PSMA5: variants seen among roughly 807,000 people sequenced by gnomAD.
PSMA5 encodes the protein proteasome 20S subunit alpha 5.
A neutral mutation model predicts 34.5 loss-of-function variants in PSMA5; 3 were observed. The ratio of observed to expected loss-of-function variants is 0.09; its 90% CI spans 0.04 to 0.22. PSMA5 has a LOEUF of 0.22. Among genes scored for constraint, PSMA5 ranks in the 10% least tolerant of loss-of-function variants. The probability of loss-of-function intolerance (pLI) is 1.00; values close to 1 mark genes in which losing one functional copy is unlikely to be tolerated. For missense variants in PSMA5, 120 were observed against 286.1 expected, an observed-to-expected ratio of 0.42 and a Z score of 4.19; for synonymous variants, 88 against 95.8, an observed-to-expected ratio of 0.92 and a Z score of 0.47.
In PSMA5 at chr1:109,415,460, T is replaced by G. The variant is rs914728006; in HGVS notation, c.97-97A>C. 5.3e-6 allele frequency: 7 copies of G among 1,321,570 alleles called. No individual in the cohort carries two copies. The African/African-American group carries it at 7.3e-5, about 14-fold the overall frequency. The allele number at this position is 1,321,570 out of a possible 1,614,324, so 81.9% of individuals were successfully genotyped here. On this transcript the variant is annotated intron_variant, in intron 2 of 8. Transcript: ENST00000271308. ...CTGTAAATCTTCACATGATAGAAAC[T>G]TCAACTGGCCACATCTTATAGGCAG...
intron 1 of PSMA5, 138 bp downstream of exon 1, chr1:109,426,161 TGAG>T: frequency 8.7e-7 from 1 of 1,150,696 alleles, no homozygotes; most frequent in Non-Finnish European, 1.3e-6. Flanking sequence ...GGCGGGCGCC[TGAG>T]GAGGGCATAA....
At chr1:109,403,633 C>T (rs1399509348) in intron 8 of PSMA5, among the ~76,000 whole-genome samples, 2 of 151,812 alleles carry the variant, frequency 1.3e-5, no homozygotes, top group African/African-American at 4.8e-5. Flanking sequence ...CTGTCTAAAA[C>T]AATAAATTAA....
chr1:109,405,034 A>G (rs570925494), intron 8 of PSMA5, among the ~76,000 whole-genome samples: 4 of 152,250 alleles, frequency 2.6e-5, no homozygotes, highest in Non-Finnish European at 4.4e-5. Context: ...ACAGAACCAC[A>G]AAAGAACACG....
chr1:109,415,191 T>G, intron 3 of PSMA5, 46 bp downstream of exon 3: 1 of 1,583,480 alleles, frequency 6.3e-7, no homozygotes. Flanking sequence ...AGAGGACTAA[T>G]TAACCCAGAC....
chr1:109,404,310 CAAATAAATAAAT>C (rs3060206), intron 8 of PSMA5, among the ~76,000 whole-genome samples: 1 of 151,672 alleles, frequency 6.6e-6, no homozygotes, highest in African/African-American at 2.4e-5. Flanking sequence ...GATCCTGTCT[CAAATAAATAAAT>C]AAATAAATAA....
intron 8 of PSMA5, among the ~76,000 whole-genome samples, chr1:109,406,601 G>C (rs1653773093): frequency 6.6e-6 from 1 of 152,126 alleles, no homozygotes; most frequent in South Asian, 2.1e-4. Flanking sequence ...GAGAGGCTGG[G>C]GTGGGAGGAC....
intron 8 of PSMA5, among the ~76,000 whole-genome samples, chr1:109,405,499 G>A (rs955974827): frequency 1.3e-4 from 19 of 143,108 alleles, no homozygotes; most frequent in South Asian, 4.5e-4. Flanking sequence ...GTGCAGTGGC[G>A]TGATTCCAGC....
rs1653548780 is a variant in PSMA5 at position 109,401,947 on chromosome 1, A to C, written c.*66T>G. The C allele has an allele frequency of 7.9e-7, 1 of 1,271,388 alleles. No homozygotes were observed. The highest frequency in any genetic ancestry group is 1.3e-5 in the South Asian group (1 of 77,890). 78.8% of individuals were successfully genotyped at this position (1,271,388 alleles called of 1,614,324 possible). A position where few individuals can be genotyped will look rare whatever the true frequency, so the allele number is the denominator to read the frequency against. The stretch of plus-strand genomic sequence containing the variant: ...AGATTTTCCAAGGAACAGGAGCTGG[A>C]AATAAAATTTAAGGACATTATTAGA... On this transcript the variant is annotated 3_prime_UTR_variant, in exon 9 of 9. Coordinates refer to ENST00000271308, the MANE Select transcript of PSMA5 (RefSeq NM_002790.4).
rs931190140 is a variant in PSMA5, at chr1:109,400,869, A to C, written c.*1144T>G. On this transcript the variant is annotated 3_prime_UTR_variant, in exon 9 of 9. Transcript: ENST00000271308. ...GAATTAAATCAATTCTGCATCATCC[A>C]CATATGGATTAGCCATGTTGTGGAC... is the stretch of plus-strand genomic sequence containing the variant. The C allele has an allele frequency of 6.6e-6, 1 of 152,190 alleles. No individual in the cohort carries two copies. Among genetic ancestry groups the C allele is most frequent in the Non-Finnish European group, 1.5e-5 (1 of 68,022 alleles). 9.4% of individuals were successfully genotyped at this position (152,190 alleles called of 1,614,324 possible).
intron 8 of PSMA5, among the ~76,000 whole-genome samples, chr1:109,403,148 C>A (rs138090467): frequency 2.8e-4 from 42 of 152,232 alleles, no homozygotes; most frequent in African/African-American, 9.6e-4. Context: ...CAATAAAAAA[C>A]TAGGGTCAGA....
At chr1:109,406,424 G>A (rs1008821301) in intron 8 of PSMA5, among the ~76,000 whole-genome samples, 4 of 152,164 alleles carry the variant, frequency 2.6e-5, no homozygotes, top group Non-Finnish European at 5.9e-5. Context: ...AAGAAGTATA[G>A]TCCCTATAAT....
intron 1 of PSMA5, 68 bp downstream of exon 1, chr1:109,426,234 G>T: frequency 6.3e-7 from 1 of 1,595,118 alleles, no homozygotes; most frequent in Non-Finnish European, 8.6e-7. Context: ...GCAGAACCCA[G>T]GCCGCGCGGC....
chr1:109,422,730 C>A (rs1654494652), intron 1 of PSMA5, among the ~76,000 whole-genome samples: 1 of 152,194 alleles, frequency 6.6e-6, no homozygotes. Context: ...CTCGGCCTCC[C>A]AAAATGCTGG....
chr1:109,426,226 A>T (rs1654652544), intron 1 of PSMA5, 76 bp downstream of exon 1: 4 of 1,582,700 alleles, frequency 2.5e-6, no homozygotes, highest in Admixed American at 1.7e-5. Context: ...ATGACACGGC[A>T]GAACCCAGGC....
chr1:109,401,837 G>A lies in PSMA5; in HGVS notation c.*176C>T. On this transcript the variant is annotated 3_prime_UTR_variant, in exon 9 of 9. Transcript: ENST00000271308. Reference sequence around the variant, plus strand: ...AAAAAAAGACTATTAGAAGAGAACAGTCTATTAACAAATATTTTAAAATTT... The same window carrying A: ...AAAAAAAGACTATTAGAAGAGAACAATCTATTAACAAATATTTTAAAATTT... The A allele has an allele frequency of 4.5e-6, 2 of 443,946 alleles. No individual in the cohort carries two copies. Among genetic ancestry groups the A allele is most frequent in the South Asian group, 3.7e-5 (1 of 27,106 alleles). The allele number at this position is 443,946 out of a possible 1,614,324, so 27.5% of individuals were successfully genotyped here.
intron 1 of PSMA5, among the ~76,000 whole-genome samples, chr1:109,422,748 G>A (rs1654495970): frequency 6.6e-6 from 1 of 152,156 alleles, no homozygotes; most frequent in African/African-American, 2.4e-5. Context: ...TGGGATTACA[G>A]GCATGAACCA....
rs74113879 is a variant in PSMA5 at position 109,423,631 on chromosome 1, T to C, written c.30-1705A>G. On this transcript the variant is annotated intron_variant, in intron 1 of 8. Transcript: ENST00000271308. ...CCAATTTCAGTTTTAATTTAAAACA[T>C]CTCAAATCTTCCAGTGTTCCCAACA... Among the ~76,000 whole-genome samples the C allele has an allele frequency of 4.3e-3, 648 of 152,300 alleles. 7 individuals are homozygous for C. The highest frequency in any genetic ancestry group is 0.014 in the African/African-American group (593 of 41,558).
chr1:109,419,184 A>G (rs897696135), intron 2 of PSMA5, among the ~76,000 whole-genome samples: 2 of 152,172 alleles, frequency 1.3e-5, no homozygotes, highest in Non-Finnish European at 2.9e-5. Context: ...TAGTTTCTAC[A>G]ATACTACTGG....
chr1:109,417,601 T>C (rs1472364541), intron 2 of PSMA5, among the ~76,000 whole-genome samples: 2 of 152,160 alleles, frequency 1.3e-5, no homozygotes, highest in Non-Finnish European at 2.9e-5. Flanking sequence ...AAGCACAGTC[T>C]AAGGCAGGAA....
Sources: allele counts gnomAD v4.1 joint callset (sites outside exome capture counted in the v4.1 genomes callset), GRCh38; gene constraint gnomAD v4.1.1; transcripts MANE v1.5; gene names NCBI Gene and HGNC (gene_info 2026-07-23, HGNC 2026-07-21).